DNAH14: variants seen among roughly 807,000 people sequenced by gnomAD.
The protein encoded by DNAH14 is dynein axonemal heavy chain 14.
A neutral mutation model predicts 520.9 loss-of-function variants in DNAH14; 478 were observed. That is an observed-to-expected ratio of 0.92 (90% CI 0.85 to 0.99). DNAH14 has a LOEUF of 0.99. Ranked by LOEUF, DNAH14 falls within the 50% of genes least tolerant of loss-of-function variation. The probability of loss-of-function intolerance (pLI) is 0.00; values close to 1 mark genes in which losing one functional copy is unlikely to be tolerated. For synonymous variants in DNAH14, 1,581 were observed against 1,757.2 expected, an observed-to-expected ratio of 0.90 and a Z score of 2.51; for missense variants, 4,831 against 5,234.5, an observed-to-expected ratio of 0.92 and a Z score of 2.38.
At position 225,204,199 on chromosome 1, in the gene DNAH14, C is replaced by T. The variant is rs2087234999; in HGVS notation, c.5903C>T (p.Ser1968Phe). 3.4e-6 allele frequency: 5 copies of T among 1,461,866 alleles called. No individual in the cohort carries two copies. Among genetic ancestry groups the T allele is most frequent in the Non-Finnish European group, 4.5e-6 (5 of 1,113,902 alleles). 90.6% of individuals were successfully genotyped at this position (1,461,866 alleles called of 1,614,324 possible). ...SDLSNVFKLD[S>F]SDTTETDDNI... Reference sequence around the variant, plus strand: ...ATATTTTAGGTTTTCAAACTTGATTCCTCTGATACAACAGAGACTGATGAT... The same window carrying T: ...ATATTTTAGGTTTTCAAACTTGATTTCTCTGATACAACAGAGACTGATGAT... Residue 1968 changes from serine to phenylalanine, a missense_variant, in exon 39 of 86, where the codon TCC becomes TTC. By Grantham distance (155) the Ser-to-Phe change is radical (BLOSUM62 -2). Coordinates refer to ENST00000682510, the MANE Select transcript of DNAH14 (RefSeq NM_001367479.1).
At chr1:225,195,547 G>A (rs533404765) in intron 38 of DNAH14, among the ~76,000 whole-genome samples, 1 of 151,468 alleles carries the variant, frequency 6.6e-6, no homozygotes, top group South Asian at 2.1e-4. Flanking sequence ...ACTACCTATT[G>A]GATACTAAGC....
intron 10 of DNAH14, among the ~76,000 whole-genome samples, chr1:225,009,620 A>G (rs1163013444): frequency 6.6e-6 from 1 of 152,178 alleles, no homozygotes; most frequent in African/African-American, 2.4e-5. Context: ...AATTTAAAGT[A>G]GTTTTTTCTA....
intron 10 of DNAH14, among the ~76,000 whole-genome samples, chr1:225,014,684 T>A (rs2065069754): frequency 6.6e-6 from 1 of 152,186 alleles, no homozygotes; most frequent in East Asian, 1.9e-4. Flanking sequence ...TGATTTTAAT[T>A]TCTGAAATGT....
At chr1:225,187,330 A>G (rs2084884293) in intron 37 of DNAH14, among the ~76,000 whole-genome samples, 2 of 151,710 alleles carry the variant, frequency 1.3e-5, no homozygotes, top group Admixed American at 6.6e-5. Context: ...CTATCTTCCC[A>G]TTCCCTGGAA....
At chr1:225,354,061 T>TG (rs1379072331) in intron 73 of DNAH14, 173 bp downstream of exon 73, 5 of 684,490 alleles carry the variant, frequency 7.3e-6, no homozygotes, top group Non-Finnish European at 1.3e-5. Flanking sequence ...TTCTTTCATG[T>TG]GGAGAGTCCA....
chr1:225,051,301 T>C lies in DNAH14; in HGVS notation c.2080-150T>C, dbSNP rs558776074. 59 of 556,148 alleles carry C rather than the reference T, an allele frequency of 1.1e-4. No homozygotes were observed. The South Asian group carries it at 2.4e-3, about 23-fold the overall frequency. 34.5% of individuals were successfully genotyped at this position (556,148 alleles called of 1,614,324 possible). A position where few individuals can be genotyped will look rare whatever the true frequency, so the allele number is the denominator to read the frequency against. On this transcript the variant is annotated intron_variant, in intron 16 of 85. Coordinates refer to ENST00000682510, the MANE Select transcript of DNAH14 (RefSeq NM_001367479.1). ...TCTAAATTTCTTAAAGTCTTGTGTT[T>C]CCAACATATTTCGATTTTTAATAGA...
intron 8 of DNAH14, among the ~76,000 whole-genome samples, chr1:224,984,680 TCAAA>T (rs1323961844): frequency 2.0e-5 from 3 of 151,976 alleles, no homozygotes; most frequent in African/African-American, 7.2e-5. Flanking sequence ...TACAATGAAC[TCAAA>T]CAAATCAGTA....
chr1:225,096,788 A>G (rs1041017663), intron 21 of DNAH14, among the ~76,000 whole-genome samples: 3 of 152,182 alleles, frequency 2.0e-5, no homozygotes, highest in African/African-American at 7.2e-5. Context: ...ATTTCTGGTT[A>G]TGTTTCCTCT....
At chr1:225,293,937 C>A (rs925976025) in intron 55 of DNAH14, among the ~76,000 whole-genome samples, 7 of 152,082 alleles carry the variant, frequency 4.6e-5, no homozygotes, top group Non-Finnish European at 8.8e-5. Context: ...AATTTCTTTC[C>A]TTTATCTAAT....
chr1:225,036,236 C>T (rs561375233), intron 11 of DNAH14, among the ~76,000 whole-genome samples: 4 of 152,122 alleles, frequency 2.6e-5, no homozygotes, highest in South Asian at 4.2e-4. Flanking sequence ...CCCAGGTTCA[C>T]GCAATTCTCC....
intron 72 of DNAH14, 43 bp downstream of exon 72, chr1:225,351,926 G>T: frequency 1.4e-6 from 2 of 1,437,050 alleles, no homozygotes; most frequent in Non-Finnish European, 1.9e-6. Flanking sequence ...AAGTATGTGT[G>T]TATGTGTATG....
chr1:225,266,836 A>T, intron 49 of DNAH14, 67 bp downstream of exon 49: 8 of 1,383,348 alleles, frequency 5.8e-6, no homozygotes, highest in Non-Finnish European at 7.6e-6. Flanking sequence ...AATGTTTATA[A>T]CAATGTTGAG....
intron 66 of DNAH14, among the ~76,000 whole-genome samples, chr1:225,336,033 A>G (rs61850028): frequency 0.016 from 1,825 of 114,932 alleles, 47 homozygotes; most frequent in African/African-American, 0.066. Context: ...ATATGTATAT[A>G]CACACATATA....
chr1:225,051,354 C>A, intron 16 of DNAH14, 97 bp from the exon 17 acceptor site: 1 of 874,328 alleles, frequency 1.1e-6, no homozygotes, highest in Non-Finnish European at 1.7e-6. Flanking sequence ...CCACATAGCA[C>A]TATTATTTTA....
chr1:224,961,850 A>G (rs569929832), intron 4 of DNAH14, among the ~76,000 whole-genome samples: 2 of 152,250 alleles, frequency 1.3e-5, no homozygotes, highest in East Asian at 1.9e-4. Flanking sequence ...GTGTTTTGAA[A>G]TTGGTATCTA....
At chr1:225,284,972 G>A (rs1010411920) in intron 54 of DNAH14, among the ~76,000 whole-genome samples, 2 of 152,072 alleles carry the variant, frequency 1.3e-5, no homozygotes, top group African/African-American at 4.8e-5. Context: ...AAAGAAGGAA[G>A]CTTCAGCAAC....
In DNAH14 at chr1:225,388,218, G is replaced by C. The variant is rs188888717; in HGVS notation, c.13078-161G>C. ...AATGTTGTTTTGCCCTGGTAATAAGGTTTAGACTTTTCATTATATGCTTTC... is the reference window on the plus strand; with the variant it reads ...AATGTTGTTTTGCCCTGGTAATAAGCTTTAGACTTTTCATTATATGCTTTC... On this transcript the variant is annotated intron_variant, in intron 81 of 85. Transcript: ENST00000682510. 2.6e-5 allele frequency among the ~76,000 whole-genome samples: 4 copies of C among 152,244 alleles called. No homozygotes were observed. The East Asian group carries it at 5.8e-4, about 22-fold the overall frequency.
intron 84 of DNAH14, among the ~76,000 whole-genome samples, chr1:225,394,770 G>C (rs2095980951): frequency 1.3e-5 from 2 of 151,872 alleles, no homozygotes; most frequent in South Asian, 4.2e-4. Context: ...CTTGAACTTG[G>C]GAGGCAGAGG....
chr1:225,363,605 A>G (rs1314490632), intron 75 of DNAH14, among the ~76,000 whole-genome samples: 1 of 152,180 alleles, frequency 6.6e-6, no homozygotes, highest in Non-Finnish European at 1.5e-5. Context: ...TGAAAAGTAC[A>G]AGCTAGTTAC....
Sources: gnomAD v4.1 joint callset for allele counts (sites outside exome capture counted in the v4.1 genomes callset) on GRCh38, gnomAD v4.1.1 for gene constraint, MANE v1.5 for transcripts, NCBI Gene and HGNC (gene_info 2026-07-23, HGNC 2026-07-21) for gene names.